Variants in ACTR3C observed in about 807,000 individuals in gnomAD.
ACTR3C encodes actin-related protein 3C.
Under a neutral mutation model 26.3 loss-of-function variants are expected in ACTR3C, and 18 were observed. The ratio of observed to expected loss-of-function variants is 0.68; its 90% CI spans 0.47 to 1.01. ACTR3C has a LOEUF of 1.01. Among genes scored for constraint, ACTR3C ranks in the 50% least tolerant of loss-of-function variants. The pLI is 0.00. For synonymous variants in ACTR3C, 55 were observed against 94.5 expected (o/e 0.58, Z 2.42); for missense variants, 184 against 250.7 (o/e 0.73, Z 1.80).
chr7:150,125,256 A>ATTT, the ACTR3C span, among the ~76,000 whole-genome samples: 210 of 143,030 alleles, frequency 1.5e-3, 1 homozygote, highest in Non-Finnish European at 2.0e-3. Flanking sequence ...TCATTGCAGT[A>ATTT]TTTTTTTTTT....
the ACTR3C span, among the ~76,000 whole-genome samples, chr7:149,925,252 G>A: frequency 6.4e-4 from 97 of 152,146 alleles, no homozygotes; most frequent in African/African-American, 2.0e-3. Context: ...GTTCTTTGAT[G>A]GGAAGACTCA....
the ACTR3C span, among the ~76,000 whole-genome samples, chr7:150,129,078 A>G: frequency 6.6e-6 from 1 of 151,672 alleles, no homozygotes; most frequent in African/African-American, 2.4e-5. Context: ...GCACAGTCCT[A>G]TGGGACCTTT....
the ACTR3C span, among the ~76,000 whole-genome samples, chr7:150,180,136 T>A: frequency 2.1e-3 from 310 of 150,236 alleles, 2 homozygotes; most frequent in Admixed American, 0.02. Flanking sequence ...AAACCCCATC[T>A]CTACTAAAAA....
chr7:149,971,973 C>A, the ACTR3C span, among the ~76,000 whole-genome samples: 57 of 152,366 alleles, frequency 3.7e-4, no homozygotes, highest in Admixed American at 5.9e-4. Context: ...CCTCTCCTCT[C>A]TTTTCCTGCT....
At chr7:149,897,535 A>C in the ACTR3C span, among the ~76,000 whole-genome samples, 2 of 151,718 alleles carry the variant, frequency 1.3e-5, no homozygotes, top group Admixed American at 1.3e-4. Flanking sequence ...TGGAACCTCC[A>C]ATTTACTACA....
the ACTR3C span, among the ~76,000 whole-genome samples, chr7:149,966,156 G>A: frequency 6.6e-6 from 1 of 152,180 alleles, no homozygotes; most frequent in Non-Finnish European, 1.5e-5. Context: ...GTATTGTGGA[G>A]CTGCAGGCTG....
the ACTR3C span, among the ~76,000 whole-genome samples, chr7:150,011,388 G>A: frequency 3.3e-5 from 5 of 152,038 alleles, no homozygotes; most frequent in Admixed American, 2.6e-4. Context: ...AGTTCAAGAC[G>A]AGCCTGGCCA....
the ACTR3C span, among the ~76,000 whole-genome samples, chr7:150,219,625 T>G: frequency 7.3e-6 from 1 of 136,716 alleles, no homozygotes; most frequent in Non-Finnish European, 1.5e-5. Flanking sequence ...GGAGTAAACA[T>G]TTCCCAAGTC....
chr7:150,321,303 C>T (rs1388999481), intron 1 of ACTR3C, among the ~76,000 whole-genome samples: 1 of 152,230 alleles, frequency 6.6e-6, no homozygotes, highest in Admixed American at 6.5e-5. Context: ...TAAAGTCTCT[C>T]ACCTTAACAA....
At chr7:149,924,879 C>T in the ACTR3C span, among the ~76,000 whole-genome samples, 1 of 152,144 alleles carries the variant, frequency 6.6e-6, no homozygotes, top group African/African-American at 2.4e-5. Context: ...CTGCCTGCTT[C>T]GGCCTCCCAA....
At chr7:149,926,402 G>T in the ACTR3C span, among the ~76,000 whole-genome samples, 3 of 152,166 alleles carry the variant, frequency 2.0e-5, no homozygotes, top group African/African-American at 7.2e-5. Context: ...GCTAAAAGTA[G>T]TTCACTGCTC....
chr7:150,020,446 T>C, the ACTR3C span, among the ~76,000 whole-genome samples: 5 of 152,102 alleles, frequency 3.3e-5, no homozygotes, highest in East Asian at 7.7e-4. Flanking sequence ...TCATTAAGTA[T>C]CAGAGGTTAC....
the ACTR3C span, among the ~76,000 whole-genome samples, chr7:150,172,645 C>A: frequency 0.14 from 20,901 of 149,790 alleles, 3,071 homozygotes; most frequent in African/African-American, 0.31. Flanking sequence ...AGTCTTAATT[C>A]ATTTCGGTAT....
At chr7:150,034,238 G>A in the ACTR3C span, among the ~76,000 whole-genome samples, 56 of 151,840 alleles carry the variant, frequency 3.7e-4, no homozygotes, top group African/African-American at 1.2e-3. Flanking sequence ...CTCAAATAGG[G>A]GGGCCATCCT....
chr7:150,001,934 T>C, the ACTR3C span: 1 of 152,238 alleles, frequency 6.6e-6, no homozygotes, highest in Non-Finnish European at 1.5e-5. Context: ...GAAGTGACCT[T>C]TGGAAACATG....
At chr7:150,007,327 A>AT in the ACTR3C span, among the ~76,000 whole-genome samples, 1 of 152,220 alleles carries the variant, frequency 6.6e-6, no homozygotes, top group Non-Finnish European at 1.5e-5. Flanking sequence ...TTCTTATAGT[A>AT]TTTACAACAA....
downstream of ACTR3C, chr7:150,246,055 T>C (rs1563141042): frequency 6.6e-6 from 1 of 152,170 alleles, no homozygotes; most frequent in South Asian, 2.1e-4. Context: ...CTGTGGATCT[T>C]GGACTTCACC....
At chr7:150,095,950 A>G in the ACTR3C span, among the ~76,000 whole-genome samples, 1 of 149,374 alleles carries the variant, frequency 6.7e-6, no homozygotes, top group South Asian at 2.1e-4. Flanking sequence ...CATTCCACAT[A>G]ATGTTATAGG....
chr7:150,097,708 G>A, the ACTR3C span, among the ~76,000 whole-genome samples: 3 of 151,354 alleles, frequency 2.0e-5, no homozygotes, highest in Admixed American at 1.3e-4. Context: ...GCTCCAAAAC[G>A]CATGAGGGAA....
Sources: allele counts gnomAD v4.1 joint callset (sites outside exome capture counted in the v4.1 genomes callset), GRCh38; gene constraint gnomAD v4.1.1; transcripts MANE v1.5; gene names NCBI Gene and HGNC (gene_info 2026-07-23, HGNC 2026-07-21).